ANTXR1: variants seen among roughly 807,000 people sequenced by gnomAD.
ANTXR1 encodes the protein ANTXR cell adhesion molecule 1.
ANTXR1 carries 19 observed loss-of-function variants against 78.1 expected under a neutral mutation model. The observed-to-expected ratio is 0.24, with a 90% CI of 0.17 to 0.36. ANTXR1 has a LOEUF of 0.36. Among genes scored for constraint, ANTXR1 ranks in the 10% least tolerant of loss-of-function variants. The pLI, the probability that ANTXR1 is intolerant of heterozygous loss-of-function variation, is 1.00. For missense variants in ANTXR1, 518 were observed against 718.6 expected (o/e 0.72, Z 3.19); for synonymous variants, 273 against 260.5 (o/e 1.05, Z -0.46).
intron 17 of ANTXR1, among the ~76,000 whole-genome samples, chr2:69,225,634 CATGGGTAGGGGAGAAGCAAGGGAG>C (rs1485633469): frequency 6.6e-6 from 1 of 152,060 alleles, no homozygotes; most frequent in African/African-American, 2.4e-5. Flanking sequence ...TCATTAACCT[CATGGGTAGGGGAGAAGCAAGGGAG>C]ATGGGATGCA....
intron 1 of ANTXR1, among the ~76,000 whole-genome samples, chr2:69,023,467 G>A (rs1023565833): frequency 2.0e-5 from 3 of 147,074 alleles, no homozygotes; most frequent in Admixed American, 2.0e-4. Context: ...TAGTGATGGT[G>A]GTGGTAGTGA....
At chr2:69,215,832 T>A (rs924115752) in intron 17 of ANTXR1, among the ~76,000 whole-genome samples, 6 of 152,236 alleles carry the variant, frequency 3.9e-5, no homozygotes, top group African/African-American at 1.4e-4. Context: ...CTTCTTCAAA[T>A]TCTTCACTTG....
At chr2:69,175,347 C>T (rs909179766) in intron 14 of ANTXR1, among the ~76,000 whole-genome samples, 2 of 152,156 alleles carry the variant, frequency 1.3e-5, no homozygotes, top group Admixed American at 6.5e-5. Context: ...TGGTGACTCA[C>T]TCCTGTAACC....
intron 12 of ANTXR1, among the ~76,000 whole-genome samples, chr2:69,128,039 A>G (rs1389199343): frequency 6.6e-6 from 1 of 152,130 alleles, no homozygotes; most frequent in African/African-American, 2.4e-5. Context: ...AGCCTGCCCA[A>G]CATGACAAAA....
intron 12 of ANTXR1, among the ~76,000 whole-genome samples, chr2:69,141,551 G>A (rs943998876): frequency 6.6e-6 from 1 of 152,270 alleles, no homozygotes; most frequent in African/African-American, 2.4e-5. Flanking sequence ...TCTGTCTCGG[G>A]TCTCGACAAT....
At chr2:69,126,683 T>G (rs1451813774) in intron 12 of ANTXR1, among the ~76,000 whole-genome samples, 1 of 151,428 alleles carries the variant, frequency 6.6e-6, no homozygotes, top group Non-Finnish European at 1.5e-5. Flanking sequence ...AAACTTGTGG[T>G]ATGGCAAATA....
At chr2:69,158,402 C>A (rs769170269) in intron 13 of ANTXR1, among the ~76,000 whole-genome samples, 3 of 152,210 alleles carry the variant, frequency 2.0e-5, no homozygotes, top group South Asian at 4.1e-4. Flanking sequence ...TCCTGCACAC[C>A]TTTTCCTCAC....
At chr2:69,100,018 A>T (rs1367719948) in intron 9 of ANTXR1, among the ~76,000 whole-genome samples, 1 of 152,202 alleles carries the variant, frequency 6.6e-6, no homozygotes, top group Non-Finnish European at 1.5e-5. Flanking sequence ...TAAATCAAAG[A>T]CCATTTTCAG....
chr2:69,028,955 A>T (rs1346068974), intron 1 of ANTXR1, among the ~76,000 whole-genome samples: 1 of 152,054 alleles, frequency 6.6e-6, no homozygotes, highest in Non-Finnish European at 1.5e-5. Flanking sequence ...GATGGCTCTC[A>T]CCTGTAATCC....
chr2:69,084,706 C>T (rs1284143318), intron 8 of ANTXR1, among the ~76,000 whole-genome samples: 2 of 150,014 alleles, frequency 1.3e-5, no homozygotes, highest in East Asian at 4.0e-4. Flanking sequence ...GCTGGACTTA[C>T]AGGCATGAGC....
chr2:69,244,018 G>T (rs1385342399), intron 17 of ANTXR1, among the ~76,000 whole-genome samples: 1 of 152,276 alleles, frequency 6.6e-6, no homozygotes, highest in Non-Finnish European at 1.5e-5. Context: ...GCTCACGCCA[G>T]CATGGAACAT....
At chr2:69,111,125 G>A (rs147842468) in intron 10 of ANTXR1, among the ~76,000 whole-genome samples, 73 of 152,276 alleles carry the variant, frequency 4.8e-4, no homozygotes, top group African/African-American at 1.7e-3. Context: ...TAACTATTGA[G>A]GTCTAGAATA....
chr2:69,151,140 C>G (rs1673380665), intron 12 of ANTXR1, among the ~76,000 whole-genome samples: 1 of 141,296 alleles, frequency 7.1e-6, no homozygotes, highest in Non-Finnish European at 1.5e-5. Flanking sequence ...TTTATGTTTT[C>G]ATTATTATTA....
Position 69,130,981 on chromosome 2 carries a change from A to C in ANTXR1, c.951+6338A>C, listed in dbSNP as rs375270635. 1.1e-4 allele frequency among the ~76,000 whole-genome samples: 16 copies of C among 152,376 alleles called. 1 individual carries two copies. Among genetic ancestry groups the C allele is most frequent in the African/African-American group, 3.6e-4 (15 of 41,588 alleles). ...TGCTACTTTTGAAGAGTTTTCCTCA[A>C]TAAATGAATCAAGTAAATAGTAACA... On this transcript the variant is annotated intron_variant, in intron 12 of 17. Coordinates refer to ENST00000303714, the MANE Select transcript of ANTXR1 (RefSeq NM_032208.3).
intron 13 of ANTXR1, among the ~76,000 whole-genome samples, chr2:69,160,072 C>A (rs1673637170): frequency 6.6e-6 from 1 of 152,190 alleles, no homozygotes; most frequent in South Asian, 2.1e-4. Flanking sequence ...CATCTTGGGC[C>A]TAATACTGAT....
chr2:69,226,446 A>G (rs1558658999), intron 17 of ANTXR1, among the ~76,000 whole-genome samples: 1 of 152,166 alleles, frequency 6.6e-6, no homozygotes, highest in Non-Finnish European at 1.5e-5. Flanking sequence ...GCAAAGGTCA[A>G]GCTAGTTCCA....
chr2:69,016,911 T>A (rs1024150388), intron 1 of ANTXR1, among the ~76,000 whole-genome samples: 2 of 152,220 alleles, frequency 1.3e-5, no homozygotes, highest in Non-Finnish European at 2.9e-5. Flanking sequence ...TTATATTTAA[T>A]CCTGGAGTAA....
chr2:69,233,847 C>T, intron 17 of ANTXR1, among the ~76,000 whole-genome samples: 1 of 151,592 alleles, frequency 6.6e-6, no homozygotes. Context: ...AACAGAAATA[C>T]TGTAAGAGAA....
chr2:69,053,780 G>A (rs6722226), intron 3 of ANTXR1, among the ~76,000 whole-genome samples: 5,708 of 152,148 alleles, frequency 0.038, 128 homozygotes, highest in Middle Eastern at 0.12. Flanking sequence ...TACTGCTGAG[G>A]AAAATGATTC....
Sources: gnomAD v4.1 joint callset for allele counts (sites outside exome capture counted in the v4.1 genomes callset) on GRCh38, gnomAD v4.1.1 for gene constraint, MANE v1.5 for transcripts, NCBI Gene and HGNC (gene_info 2026-07-23, HGNC 2026-07-21) for gene names.